The following CSTL1 variants were observed in gnomAD, a reference collection of about 807,000 sequenced individuals.
CSTL1 encodes cystatin-like 1.
Under a neutral mutation model 14.4 loss-of-function variants are expected in CSTL1, and 14 were observed. That is an observed-to-expected ratio of 0.97 (90% CI 0.64 to 1.52). The LOEUF (loss-of-function observed/expected upper bound fraction) is 1.52, where lower values mean the gene tolerates loss of function less well. Among genes scored for constraint, CSTL1 ranks in the 40% most tolerant of loss-of-function variants. The probability of loss-of-function intolerance (pLI) is 0.00; values close to 1 mark genes in which losing one functional copy is unlikely to be tolerated. For missense variants in CSTL1, 170 were observed against 168.7 expected, an observed-to-expected ratio of 1.01 and a Z score of -0.04; for synonymous variants, 72 against 67.5, an observed-to-expected ratio of 1.07 and a Z score of -0.33.
the CSTL1 span, chr20:23,457,615 G>A: frequency 1.3e-5 from 2 of 151,956 alleles, no homozygotes; most frequent in African/African-American, 2.4e-5. Flanking sequence ...AGTGGGGGTG[G>A]AGAAAGAACA....
At chr20:23,458,877 G>T in the CSTL1 span, among the ~76,000 whole-genome samples, 1 of 152,016 alleles carries the variant, frequency 6.6e-6, no homozygotes, top group Admixed American at 6.6e-5. Flanking sequence ...TAGACCATTT[G>T]GCCTCTTCTC....
downstream of CSTL1, chr20:23,445,016 A>AC: frequency 4.5e-6 from 3 of 664,030 alleles, no homozygotes; most frequent in South Asian, 5.1e-5. Flanking sequence ...GCACATACTT[A>AC]CCTTCACAAC....
the CSTL1 span, among the ~76,000 whole-genome samples, chr20:23,456,551 C>A: frequency 6.6e-6 from 1 of 152,122 alleles, no homozygotes; most frequent in African/African-American, 2.4e-5. Flanking sequence ...GTTCTGGGGT[C>A]CCTTCCTGCC....
chr20:23,454,397 T>A, the CSTL1 span, among the ~76,000 whole-genome samples: 1 of 150,578 alleles, frequency 6.6e-6, no homozygotes, highest in Admixed American at 6.6e-5. Context: ...ACAACACACA[T>A]AGACACACCC....
chr20:23,440,524 G>A, intron 2 of CSTL1, 38 bp downstream of exon 2: 1 of 1,452,934 alleles, frequency 6.9e-7, no homozygotes, highest in Non-Finnish European at 9.7e-7. Context: ...AGCAGGCCCT[G>A]TTCTTGCCAG....
chr20:23,441,877 G>A (rs1380031413), intron 2 of CSTL1, among the ~76,000 whole-genome samples: 1 of 152,210 alleles, frequency 6.6e-6, no homozygotes, highest in Non-Finnish European at 1.5e-5. Context: ...TCGCCAGAGA[G>A]TAAGGCAGCT....
At chr20:23,457,566 T>C in the CSTL1 span, 2 of 151,936 alleles carry the variant, frequency 1.3e-5, no homozygotes, top group Admixed American at 6.6e-5. Context: ...TGTGTATATA[T>C]ATATATATAA....
At chr20:23,443,234 C>A (rs1248515482) in intron 2 of CSTL1, among the ~76,000 whole-genome samples, 1 of 152,208 alleles carries the variant, frequency 6.6e-6, no homozygotes, top group Non-Finnish European at 1.5e-5. Flanking sequence ...AACACTGAAT[C>A]TGCTTCAAAG....
the CSTL1 span, chr20:23,451,925 G>A: frequency 6.2e-7 from 1 of 1,610,676 alleles, no homozygotes; most frequent in East Asian, 2.2e-5. Context: ...AGTGACCTGT[G>A]GGCGCCAGGC....
At chr20:23,441,964 G>A (rs1166086651) in intron 2 of CSTL1, among the ~76,000 whole-genome samples, 1 of 152,212 alleles carries the variant, frequency 6.6e-6, no homozygotes, top group African/African-American at 2.4e-5. Flanking sequence ...TCATCCCAAT[G>A]CAGACTGTCC....
the CSTL1 span, among the ~76,000 whole-genome samples, chr20:23,452,268 C>A: frequency 6.6e-6 from 1 of 152,138 alleles, no homozygotes; most frequent in East Asian, 1.9e-4. Flanking sequence ...CTACTCAGTT[C>A]GGCATGAGTG....
chr20:23,456,909 T>G, the CSTL1 span, among the ~76,000 whole-genome samples: 1 of 152,148 alleles, frequency 6.6e-6, no homozygotes, highest in Admixed American at 6.5e-5. Flanking sequence ...ATCTCCCTCT[T>G]CTAAGGACGT....
rs45509795 is a variant in CSTL1 at position 23,440,160 on chromosome 20, G to A, written c.-108G>A. On this transcript the variant is annotated 5_prime_UTR_variant, in exon 2 of 4. Transcript: ENST00000347397. ...TAAATGCAGGCAGGCCATCCCCCAG[G>A]AAAGCCTATGTTGGTGAGGGTTATG... 0.02 allele frequency: 22,390 copies of A among 1,116,544 alleles called. 294 individuals are homozygous for A. Among genetic ancestry groups the A allele is most frequent in the Non-Finnish European group, 0.024 (18,381 of 756,294 alleles). 69.2% of individuals were successfully genotyped at this position (1,116,544 alleles called of 1,614,324 possible).
the CSTL1 span, chr20:23,451,828 C>T: frequency 1.2e-6 from 2 of 1,613,708 alleles, no homozygotes; most frequent in African/African-American, 2.7e-5. Context: ...TGTGAAGCTC[C>T]CTTTCCTGGG....
intron 2 of CSTL1, among the ~76,000 whole-genome samples, chr20:23,441,935 G>A (rs1986843231): frequency 6.6e-6 from 1 of 152,184 alleles, no homozygotes; most frequent in African/African-American, 2.4e-5. Flanking sequence ...GGGAGGACCA[G>A]TCAGCATAGG....
At chr20:23,460,309 G>T in the CSTL1 span, among the ~76,000 whole-genome samples, 1 of 152,168 alleles carries the variant, frequency 6.6e-6, no homozygotes. Context: ...GTCATGGGGT[G>T]GCTGTCCTGG....
At chr20:23,461,012 C>G in the CSTL1 span, among the ~76,000 whole-genome samples, 14 of 152,194 alleles carry the variant, frequency 9.2e-5, no homozygotes, top group Non-Finnish European at 1.8e-4. Context: ...TGCAGTCACC[C>G]TGGCCAGCCA....
At chr20:23,444,235 C>T (rs1986913344) in intron 3 of CSTL1, among the ~76,000 whole-genome samples, 191 bp downstream of exon 3, 1 of 152,226 alleles carries the variant, frequency 6.6e-6, no homozygotes. Flanking sequence ...CAGCCCTGCA[C>T]CCAGGCCTCT....
In CSTL1 at chr20:23,443,915, C is replaced by T; in HGVS notation, c.220-19C>T. 2 of 1,592,274 alleles carry T rather than the reference C, an allele frequency of 1.3e-6. No homozygotes were observed. Among genetic ancestry groups the T allele is most frequent in the Non-Finnish European group, 1.7e-6 (2 of 1,160,688 alleles). On this transcript the variant is annotated intron_variant, in intron 2 of 3. Coordinates refer to ENST00000347397, the MANE Select transcript of CSTL1 (RefSeq NM_138283.1). ...GGATGCTTGGAGTCCACACTAACAGCACAACTGATTCTCGGCAGCTGACGA... is the reference window on the plus strand; with the variant it reads ...GGATGCTTGGAGTCCACACTAACAGTACAACTGATTCTCGGCAGCTGACGA...
Sources: allele counts gnomAD v4.1 joint callset (sites outside exome capture counted in the v4.1 genomes callset), GRCh38; gene constraint gnomAD v4.1.1; transcripts MANE v1.5; gene names NCBI Gene and HGNC (gene_info 2026-07-23, HGNC 2026-07-21).